WWOX: variants seen among roughly 807,000 people sequenced by gnomAD.
WWOX encodes WW domain containing oxidoreductase, also known as WW domain-containing oxidoreductase.
WWOX carries 69 observed loss-of-function variants against 46.2 expected under a neutral mutation model. That is an observed-to-expected ratio of 1.49 (90% CI 1.23 to 1.82). The LOEUF (loss-of-function observed/expected upper bound fraction) is 1.82. Among genes scored for constraint, WWOX ranks in the 40% most tolerant of loss-of-function variants. WWOX has a pLI of 0.00. For missense variants in WWOX, 919 were observed against 542.6 expected (o/e 1.69, Z -6.89); for synonymous variants, 359 against 202.6 (o/e 1.77, Z -6.56).
chr16:78,879,127 T>A (rs2044291166), intron 8 of WWOX, among the ~76,000 whole-genome samples: 1 of 152,042 alleles, frequency 6.6e-6, no homozygotes, highest in Non-Finnish European at 1.5e-5. Context: ...CCTAAGTACT[T>A]GTTAAGGCAG....
chr16:78,578,778 A>G (rs2044971966), intron 8 of WWOX, among the ~76,000 whole-genome samples: 1 of 152,192 alleles, frequency 6.6e-6, no homozygotes, highest in Non-Finnish European at 1.5e-5. Context: ...GGTTTTCTGA[A>G]AGCACGGTTT....
chr16:78,126,957 T>C (rs972111193), intron 4 of WWOX, among the ~76,000 whole-genome samples: 1 of 152,238 alleles, frequency 6.6e-6, no homozygotes. Flanking sequence ...TTGATGAGCC[T>C]GCTTTCAGGT....
At chr16:78,977,404 A>G (rs542193311) in intron 8 of WWOX, among the ~76,000 whole-genome samples, 91 of 152,162 alleles carry the variant, frequency 6.0e-4, no homozygotes, top group African/African-American at 2.0e-3. Flanking sequence ...GTGGGGTGGC[A>G]CTCTTTATTC....
intron 8 of WWOX, among the ~76,000 whole-genome samples, chr16:78,888,518 A>G (rs920008571): frequency 4.6e-5 from 7 of 152,174 alleles, no homozygotes; most frequent in African/African-American, 7.2e-5. Context: ...AGCCTTTCTC[A>G]GGATCCCAGC....
At chr16:78,526,802 G>A (rs912266865) in intron 8 of WWOX, among the ~76,000 whole-genome samples, 1 of 152,174 alleles carries the variant, frequency 6.6e-6, no homozygotes, top group African/African-American at 2.4e-5. Flanking sequence ...AATTTGGGTT[G>A]AGGGTGGCAG....
At chr16:78,597,767 T>C (rs1355672367) in intron 8 of WWOX, among the ~76,000 whole-genome samples, 1 of 140,078 alleles carries the variant, frequency 7.1e-6, no homozygotes, top group Non-Finnish European at 1.5e-5. Context: ...TGTGTATATA[T>C]ATATATATAT....
At chr16:78,728,467 A>G (rs1189741658) in intron 8 of WWOX, among the ~76,000 whole-genome samples, 1 of 152,226 alleles carries the variant, frequency 6.6e-6, no homozygotes, top group East Asian at 1.9e-4. Flanking sequence ...GTTCCCTAGA[A>G]GACAGCCAGA....
At chr16:78,915,593 T>C (rs1195851322) in intron 8 of WWOX, among the ~76,000 whole-genome samples, 1 of 152,188 alleles carries the variant, frequency 6.6e-6, no homozygotes, top group Non-Finnish European at 1.5e-5. Flanking sequence ...GTGACATTGC[T>C]GGTTCCTATT....
intron 5 of WWOX, among the ~76,000 whole-genome samples, chr16:78,244,871 A>C (rs1195399916): frequency 6.6e-6 from 1 of 152,188 alleles, no homozygotes; most frequent in Non-Finnish European, 1.5e-5. Flanking sequence ...TCTCATACAC[A>C]ATAGGGACAT....
chr16:78,350,098 C>T (rs1238705898), intron 5 of WWOX, among the ~76,000 whole-genome samples: 1 of 120,834 alleles, frequency 8.3e-6, no homozygotes, highest in East Asian at 1.9e-4. Flanking sequence ...AAGTTTCTTA[C>T]CGTGATCTCC....
At position 78,164,289 on chromosome 16, in the gene WWOX, G is replaced by C. The variant is rs2034897964; in HGVS notation, c.516G>C (p.Trp172Cys). The stretch of plus-strand genomic sequence containing the variant: ...CAGTGTCACGCATTTTAGAAGAATG[G>C]GTAAGTGCTTGACTGTTGTTGTTTT... ...SEAVSRILEE[W>C]HKAKVEAMTL... The change falls in exon 5 of 9, where the codon TGG (tryptophan) becomes TGC (cysteine). Residue 172 changes from tryptophan to cysteine, a missense_variant and splice_region_variant. Trp to Cys is a radical substitution (Grantham distance 215). Coordinates refer to ENST00000566780, the MANE Select transcript of WWOX (RefSeq NM_016373.4). 2.5e-6 allele frequency: 4 copies of C among 1,613,578 alleles called. No individual in the cohort carries two copies. The highest frequency in any genetic ancestry group is 1.1e-5 in the South Asian group (1 of 90,952).
intron 8 of WWOX, among the ~76,000 whole-genome samples, chr16:78,757,624 A>G (rs902102320): frequency 6.6e-6 from 1 of 152,140 alleles, no homozygotes; most frequent in Non-Finnish European, 1.5e-5. Flanking sequence ...ATTTGTATTT[A>G]TTTATATGAA....
intron 8 of WWOX, among the ~76,000 whole-genome samples, chr16:78,610,262 T>C (rs1269766000): frequency 6.6e-6 from 1 of 152,124 alleles, no homozygotes; most frequent in East Asian, 1.9e-4. Context: ...TTCCCAGAGA[T>C]ATGAAGTACA....
intron 8 of WWOX, among the ~76,000 whole-genome samples, chr16:79,014,742 C>CA (rs1450439982): frequency 5.3e-5 from 8 of 152,218 alleles, no homozygotes; most frequent in Non-Finnish European, 1.0e-4. Context: ...GGAGTGTACA[C>CA]AACTAGTAAG....
chr16:78,531,565 G>A (rs1567625963), intron 8 of WWOX, among the ~76,000 whole-genome samples: 1 of 152,154 alleles, frequency 6.6e-6, no homozygotes, highest in Non-Finnish European at 1.5e-5. Context: ...TAAATGGGCT[G>A]GGCGTGGTGG....
intron 5 of WWOX, among the ~76,000 whole-genome samples, chr16:78,242,434 C>G (rs986283012): frequency 6.6e-6 from 1 of 152,210 alleles, no homozygotes; most frequent in Non-Finnish European, 1.5e-5. Flanking sequence ...TCGGGCAACA[C>G]TGATTGAGCA....
At chr16:78,379,078 A>G (rs963178735) in intron 5 of WWOX, among the ~76,000 whole-genome samples, 2 of 152,154 alleles carry the variant, frequency 1.3e-5, no homozygotes, top group African/African-American at 4.8e-5. Context: ...CTGTTTTCTC[A>G]TCTGTAAAAT....
chr16:78,912,647 C>T (rs1042860295), intron 8 of WWOX, among the ~76,000 whole-genome samples: 4 of 151,970 alleles, frequency 2.6e-5, no homozygotes, highest in African/African-American at 9.7e-5. Flanking sequence ...CATTTAATGT[C>T]CCCTTTAATT....
In WWOX at chr16:78,996,965, T is replaced by A. The variant is rs150665031; in HGVS notation, c.1057-214643T>A. ...CTCTCCCGCGCCTGGGAGGGCGAGG[T>A]GCGGATCTTTTCGCCTTGGCAGTCC... On this transcript the variant is annotated intron_variant, in intron 8 of 8. Transcript: ENST00000566780. Among the ~76,000 whole-genome samples, 318 of 152,264 alleles carry A rather than the reference T, an allele frequency of 2.1e-3. 2 individuals carry two copies. Among genetic ancestry groups the A allele is most frequent in the Middle Eastern group, 6.8e-3 (2 of 294 alleles).
Sources: allele counts gnomAD v4.1 joint callset (sites outside exome capture counted in the v4.1 genomes callset), GRCh38; gene constraint gnomAD v4.1.1; transcripts MANE v1.5; gene names NCBI Gene and HGNC (gene_info 2026-07-23, HGNC 2026-07-21).